Variants in MAMDC2 observed in about 807,000 individuals in gnomAD.
MAMDC2 encodes MAM domain-containing protein 2.
MAMDC2 carries 57 observed loss-of-function variants against 89.8 expected under a neutral mutation model. That is an observed-to-expected ratio of 0.63 (90% CI 0.51 to 0.79). The LOEUF (loss-of-function observed/expected upper bound fraction) is 0.79, where lower values mean the gene tolerates loss of function less well. Ranked by LOEUF, MAMDC2 falls within the 30% of genes least tolerant of loss-of-function variation. The probability of loss-of-function intolerance (pLI) is 0.00; values close to 1 mark genes in which losing one functional copy is unlikely to be tolerated. For synonymous variants in MAMDC2, 313 were observed against 293.4 expected (o/e 1.07, Z -0.68); for missense variants, 800 against 820.6 (o/e 0.97, Z 0.31).
intron 11 of MAMDC2, among the ~76,000 whole-genome samples, chr9:70,187,030 A>G (rs2032771394): frequency 6.6e-6 from 1 of 152,144 alleles, no homozygotes; most frequent in African/African-American, 2.4e-5. Context: ...TTCAGAGGAC[A>G]AATATCCAAA....
At chr9:70,134,378 C>T (rs2030927627) in intron 7 of MAMDC2, among the ~76,000 whole-genome samples, 1 of 150,656 alleles carries the variant, frequency 6.6e-6, no homozygotes, top group African/African-American at 2.4e-5. Flanking sequence ...CCTGCACAAC[C>T]ACATCTGTCC....
intron 7 of MAMDC2, among the ~76,000 whole-genome samples, chr9:70,137,121 T>A (rs2031040707): frequency 6.6e-6 from 1 of 152,206 alleles, no homozygotes; most frequent in African/African-American, 2.4e-5. Flanking sequence ...CCTAATCTTT[T>A]TTTTTGTAAT....
At chr9:70,079,686 C>T (rs1166222485) in intron 2 of MAMDC2, among the ~76,000 whole-genome samples, 3 of 152,172 alleles carry the variant, frequency 2.0e-5, no homozygotes, top group African/African-American at 7.2e-5. Context: ...CTTGTTTATT[C>T]TCAGATGTCA....
At chr9:70,124,610 T>C (rs187207926) in intron 5 of MAMDC2, among the ~76,000 whole-genome samples, 2 of 152,312 alleles carry the variant, frequency 1.3e-5, no homozygotes, top group African/African-American at 2.4e-5. Context: ...GGCTATGTAC[T>C]AGATACACAG....
At chr9:70,158,168 T>G (rs1283942962) in intron 9 of MAMDC2, among the ~76,000 whole-genome samples, 1 of 152,124 alleles carries the variant, frequency 6.6e-6, no homozygotes, top group African/African-American at 2.4e-5. Context: ...ATTACCCAGC[T>G]TGTCTCAAAC....
chr9:70,123,504 TA>T (rs2030382834), intron 5 of MAMDC2, among the ~76,000 whole-genome samples: 1 of 152,168 alleles, frequency 6.6e-6, no homozygotes, highest in Non-Finnish European at 1.5e-5. Flanking sequence ...AGCCTGCAGA[TA>T]TGTTTATTTG....
At chr9:70,082,821 T>C (rs953739391) in intron 2 of MAMDC2, 3 of 152,128 alleles carry the variant, frequency 2.0e-5, no homozygotes, top group African/African-American at 7.2e-5. Context: ...AGAGAGGCAA[T>C]TCCTTGTTCT....
At chr9:70,125,959 G>A (rs542219877) in intron 5 of MAMDC2, among the ~76,000 whole-genome samples, 200 bp from the exon 6 acceptor site, 173 of 152,260 alleles carry the variant, frequency 1.1e-3, no homozygotes, top group African/African-American at 4.0e-3. Context: ...AGAGTGCAAT[G>A]AACCCCATGG....
Position 70,170,516 on chromosome 9 carries a change from G to A in MAMDC2, c.1536G>A (p.Glu512=). 6.2e-7 allele frequency: 1 copy of A among 1,612,458 alleles called. No homozygotes were observed. Among genetic ancestry groups the A allele is most frequent in the African/African-American group, 1.3e-5 (1 of 74,976 alleles). Residue 512 remains glutamate, a synonymous_variant, in exon 11 of 14, where the codon GAG becomes GAA. Coordinates refer to ENST00000377182, the MANE Select transcript of MAMDC2 (RefSeq NM_153267.5). ...LPPPPGECTF[E]QDECTFTQEK... ...CTCCACCTGGAGAGTGTACTTTCGA[G>A]CAAGATGAATGTACATTTACTCAGG...
chr9:70,214,006 C>T (rs1372193462), intron 11 of MAMDC2, among the ~76,000 whole-genome samples: 1 of 152,090 alleles, frequency 6.6e-6, no homozygotes, highest in Non-Finnish European at 1.5e-5. Flanking sequence ...ATTCATTCAT[C>T]CATTCAACAG....
At chr9:70,213,342 C>G (rs147125348) in intron 11 of MAMDC2, among the ~76,000 whole-genome samples, 3 of 152,312 alleles carry the variant, frequency 2.0e-5, no homozygotes, top group African/African-American at 7.2e-5. Context: ...AGGTCCTTTA[C>G]TTTGGATTCA....
chr9:70,075,647 C>T (rs1827513697), intron 2 of MAMDC2, among the ~76,000 whole-genome samples: 1 of 152,202 alleles, frequency 6.6e-6, no homozygotes, highest in Non-Finnish European at 1.5e-5. Flanking sequence ...GGGAACGTGG[C>T]AATGTCTACC....
intron 2 of MAMDC2, among the ~76,000 whole-genome samples, chr9:70,080,495 T>C (rs1827628522): frequency 6.6e-6 from 1 of 152,248 alleles, no homozygotes; most frequent in South Asian, 2.1e-4. Flanking sequence ...TTAATCATTT[T>C]CCTGTTGCTG....
intron 9 of MAMDC2, among the ~76,000 whole-genome samples, chr9:70,159,050 A>ACACACT (rs952087820): frequency 4.5e-5 from 5 of 112,312 alleles, no homozygotes; most frequent in African/African-American, 2.2e-4. Context: ...TGCATAATAC[A>ACACACT]CACACACACA....
chr9:70,072,679 G>A (rs1827435282), intron 2 of MAMDC2, among the ~76,000 whole-genome samples: 1 of 151,958 alleles, frequency 6.6e-6, no homozygotes, highest in African/African-American at 2.4e-5. Context: ...AGGGAGTGTG[G>A]ATTCTTCACC....
intron 9 of MAMDC2, among the ~76,000 whole-genome samples, chr9:70,163,332 G>A (rs2118501169): frequency 6.6e-6 from 1 of 150,854 alleles, no homozygotes; most frequent in Non-Finnish European, 1.5e-5. Flanking sequence ...GGGTTCAAGT[G>A]ACTCTCCTGC....
chr9:70,192,999 A>T (rs1410288355), intron 11 of MAMDC2, among the ~76,000 whole-genome samples: 1 of 152,080 alleles, frequency 6.6e-6, no homozygotes, highest in Non-Finnish European at 1.5e-5. Flanking sequence ...CCTTACATTG[A>T]GGGTGATCAG....
intron 11 of MAMDC2, among the ~76,000 whole-genome samples, chr9:70,184,241 G>A (rs1359716632): frequency 6.6e-6 from 1 of 152,160 alleles, no homozygotes; most frequent in African/African-American, 2.4e-5. Context: ...GGTTTCTGCA[G>A]AGAGATCCAC....
intron 2 of MAMDC2, among the ~76,000 whole-genome samples, chr9:70,058,253 A>C (rs934609679): frequency 2.0e-5 from 3 of 152,192 alleles, no homozygotes; most frequent in African/African-American, 7.2e-5. Context: ...CAGATGAAGA[A>C]ATTGGGATTT....
Sources: allele counts gnomAD v4.1 joint callset (sites outside exome capture counted in the v4.1 genomes callset), GRCh38; gene constraint gnomAD v4.1.1; transcripts MANE v1.5; gene names NCBI Gene and HGNC (gene_info 2026-07-23, HGNC 2026-07-21).